SLC9A2: variants seen among roughly 807,000 people sequenced by gnomAD.
SLC9A2 encodes the protein sodium/hydrogen exchanger 2.
In SLC9A2, 42 loss-of-function variants were observed where a neutral mutation model predicts 71.7. The ratio of observed to expected loss-of-function variants is 0.59; its 90% CI spans 0.46 to 0.76. The LOEUF is 0.76. Ranked by LOEUF, SLC9A2 falls within the 30% of genes least tolerant of loss-of-function variation. SLC9A2 has a pLI of 0.00. For missense variants in SLC9A2, 829 were observed against 1,017.4 expected, an observed-to-expected ratio of 0.81 and a Z score of 2.52; for synonymous variants, 396 against 392.5, an observed-to-expected ratio of 1.01 and a Z score of -0.10.
chr2:102,654,083 C>T lies in SLC9A2; in HGVS notation c.290-3481C>T, dbSNP rs141203732. Among the ~76,000 whole-genome samples, 118 of 152,102 alleles carry T rather than the reference C, an allele frequency of 7.8e-4. 1 individual carries two copies. Among genetic ancestry groups the T allele is most frequent in the Non-Finnish European group, 1.4e-3 (93 of 68,016 alleles). On this transcript the variant is annotated intron_variant, in intron 1 of 11. Coordinates refer to ENST00000233969, the MANE Select transcript of SLC9A2 (RefSeq NM_003048.6). ...GGTTTCAAGTAAGGGGGCAGTCCTCCGATGGCATGCTGCAGGCCCATGGCA... is the reference window on the plus strand; with the variant it reads ...GGTTTCAAGTAAGGGGGCAGTCCTCTGATGGCATGCTGCAGGCCCATGGCA...
intron 3 of SLC9A2, among the ~76,000 whole-genome samples, chr2:102,677,298 GA>G (rs59477999): frequency 0.08 from 11,899 of 148,982 alleles, 1,040 homozygotes; most frequent in African/African-American, 0.22. Flanking sequence ...TCCCCAGGGG[GA>G]AAAAAAAAAC....
At chr2:102,701,493 T>C (rs1477341483) in intron 8 of SLC9A2, among the ~76,000 whole-genome samples, 1 of 152,192 alleles carries the variant, frequency 6.6e-6, no homozygotes, top group Admixed American at 6.5e-5. Flanking sequence ...ACCTATTTTA[T>C]GTATGTTTAT....
chr2:102,646,776 T>TGCATCCA, intron 1 of SLC9A2, among the ~76,000 whole-genome samples: 1 of 147,410 alleles, frequency 6.8e-6, no homozygotes, highest in Non-Finnish European at 1.5e-5. Flanking sequence ...TAAATATATA[T>TGCATCCA]ATATATATAT....
intron 11 of SLC9A2, among the ~76,000 whole-genome samples, chr2:102,707,112 T>C (rs933020165): frequency 6.6e-6 from 1 of 152,088 alleles, no homozygotes; most frequent in Non-Finnish European, 1.5e-5. Flanking sequence ...GATAGGGAGC[T>C]GGGCAAGGGG....
intron 3 of SLC9A2, among the ~76,000 whole-genome samples, chr2:102,675,332 T>G (rs1463455096): frequency 6.6e-6 from 1 of 152,212 alleles, no homozygotes; most frequent in Non-Finnish European, 1.5e-5. Flanking sequence ...TCCCTGGTCT[T>G]GCCAGACCTG....
At chr2:102,621,287 G>A (rs933960755) in intron 1 of SLC9A2, among the ~76,000 whole-genome samples, 1 of 150,316 alleles carries the variant, frequency 6.7e-6, no homozygotes, top group African/African-American at 2.5e-5. Context: ...GGTTGCGGTT[G>A]CAGTGAGCCA....
At position 102,694,515 on chromosome 2, in the gene SLC9A2, G is replaced by A. The variant is rs1677716554; in HGVS notation, c.1515+12G>A. The A allele has an allele frequency of 7.2e-7, 1 of 1,381,228 alleles. No individual in the cohort carries two copies. The highest frequency in any genetic ancestry group is 1.0e-6 in the Non-Finnish European group (1 of 1,000,510). 85.6% of individuals were successfully genotyped at this position (1,381,228 alleles called of 1,614,324 possible). A position where few individuals can be genotyped will look rare whatever the true frequency, so the allele number is the denominator to read the frequency against. On this transcript the variant is annotated intron_variant, in intron 6 of 11. Transcript: ENST00000233969. The stretch of plus-strand genomic sequence containing the variant: ...AAATCTATTGTCGGGTAGGTGTTAA[G>A]AGAGTGTAATAATTTTAATGATAAA...
chr2:102,654,636 G>T (rs1359585674), intron 1 of SLC9A2, among the ~76,000 whole-genome samples: 1 of 152,084 alleles, frequency 6.6e-6, no homozygotes, highest in Non-Finnish European at 1.5e-5. Flanking sequence ...AGTATCTAAG[G>T]ACTTATTCTA....
At chr2:102,652,169 T>A (rs1676848722) in intron 1 of SLC9A2, among the ~76,000 whole-genome samples, 1 of 152,146 alleles carries the variant, frequency 6.6e-6, no homozygotes, top group South Asian at 2.1e-4. Flanking sequence ...ATCTGTTTGG[T>A]TTAACTTATT....
At chr2:102,649,227 G>A (rs543542230) in intron 1 of SLC9A2, among the ~76,000 whole-genome samples, 5 of 152,278 alleles carry the variant, frequency 3.3e-5, no homozygotes, top group South Asian at 2.1e-4. Flanking sequence ...ATGGGGAAAT[G>A]ATTCCCTATT....
chr2:102,659,274 CAA>C (rs11297336), intron 2 of SLC9A2, among the ~76,000 whole-genome samples: 3,580 of 130,380 alleles, frequency 0.027, 56 homozygotes, highest in East Asian at 0.046. Flanking sequence ...ACTAAAAATA[CAA>C]AAAAAAAAAA....
intron 1 of SLC9A2, among the ~76,000 whole-genome samples, chr2:102,639,600 C>A (rs1380826762): frequency 6.6e-6 from 1 of 152,188 alleles, no homozygotes; most frequent in Non-Finnish European, 1.5e-5. Flanking sequence ...AATTCAGTGG[C>A]ATTGAGTACA....
chr2:102,670,483 C>A (rs762905228), intron 3 of SLC9A2, among the ~76,000 whole-genome samples: 1 of 150,888 alleles, frequency 6.6e-6, no homozygotes, highest in African/African-American at 2.4e-5. Flanking sequence ...ATAAATAAAT[C>A]GAGGCCCAGA....
In SLC9A2 at chr2:102,619,789, G is replaced by C; in HGVS notation, c.-60G>C. 3 of 1,414,172 alleles carry C rather than the reference G, an allele frequency of 2.1e-6. No individual in the cohort carries two copies. The highest frequency in any genetic ancestry group is 2.8e-6 in the Non-Finnish European group (3 of 1,077,754). 87.6% of individuals were successfully genotyped at this position (1,414,172 alleles called of 1,614,324 possible). A position where few individuals can be genotyped will look rare whatever the true frequency, so the allele number is the denominator to read the frequency against. On this transcript the variant is annotated 5_prime_UTR_variant, in exon 1 of 12. Transcript: ENST00000233969. This position sits in a 1 kb window ranked among gnomAD's most constrained non-coding sequence, Gnocchi z 4.3. ...GGAGCGGGCTGAGCAGCCCGGGCGC[G>C]ATGCGTTGAGCGCTCGGAGGGCCAA...
At chr2:102,677,658 C>A (rs894534468) in intron 3 of SLC9A2, among the ~76,000 whole-genome samples, 4 of 152,176 alleles carry the variant, frequency 2.6e-5, no homozygotes, top group Non-Finnish European at 5.9e-5. Flanking sequence ...ATTAATGACT[C>A]ATCCATGTAG....
chr2:102,682,425 G>T (rs1014313688), intron 3 of SLC9A2, among the ~76,000 whole-genome samples: 1 of 152,188 alleles, frequency 6.6e-6, no homozygotes, highest in Non-Finnish European at 1.5e-5. Flanking sequence ...AGAGAGGGCA[G>T]ATGTGAAACT....
chr2:102,703,026 A>G (rs940950262), intron 9 of SLC9A2, among the ~76,000 whole-genome samples: 2 of 152,130 alleles, frequency 1.3e-5, no homozygotes, highest in Non-Finnish European at 2.9e-5. Flanking sequence ...AGTGAGTGGT[A>G]GGTGTTACTG....
chr2:102,651,143 C>G (rs1209834174), intron 1 of SLC9A2, among the ~76,000 whole-genome samples: 1 of 152,132 alleles, frequency 6.6e-6, no homozygotes, highest in African/African-American at 2.4e-5. Context: ...CCCCTCCTGC[C>G]CTACTCACCA....
rs201347551 is a variant in SLC9A2, at chr2:102,646,768, A to AATATATATATATATATATAT, written c.290-10793_290-10774dup. 3.7e-3 allele frequency among the ~76,000 whole-genome samples: 489 copies of AATATATATATATATATATAT among 132,756 alleles called. 5 individuals are homozygous for AATATATATATATATATATAT. The highest frequency in any genetic ancestry group is 9.6e-3 in the African/African-American group (307 of 32,026). The allele number at this position is 132,756 out of a possible 152,430, so 87.1% of individuals were successfully genotyped here. The stretch of plus-strand genomic sequence containing the variant: ...GCAGCAAGAAGAGCTAACGATCCTA[A>AATATATATATATATATATAT]ATATATATATATATATATATATCTC... On this transcript the variant is annotated intron_variant, in intron 1 of 11. Coordinates refer to ENST00000233969, the MANE Select transcript of SLC9A2 (RefSeq NM_003048.6).
Sources: gnomAD v4.1 joint callset for allele counts (sites outside exome capture counted in the v4.1 genomes callset) on GRCh38, gnomAD v4.1.1 for gene constraint, Gnocchi (gnomAD v3.1) non-coding constraint, MANE v1.5 for transcripts, NCBI Gene and HGNC (gene_info 2026-07-23, HGNC 2026-07-21) for gene names.